PPME1: variants seen among roughly 807,000 people sequenced by gnomAD.
The protein encoded by PPME1 is protein phosphatase methylesterase 1.
PPME1 carries 17 observed loss-of-function variants against 56.9 expected under a neutral mutation model. That is an observed-to-expected ratio of 0.30 (90% CI 0.20 to 0.45). PPME1 has a LOEUF of 0.45. Among genes scored for constraint, PPME1 ranks in the 20% least tolerant of loss-of-function variants. PPME1 has a pLI of 1.00. For synonymous variants in PPME1, 122 were observed against 156.2 expected, an observed-to-expected ratio of 0.78 and a Z score of 1.63; for missense variants, 357 against 483.2, an observed-to-expected ratio of 0.74 and a Z score of 2.45.
At chr11:74,252,187 T>C (rs4522190) in intron 13 of PPME1, among the ~76,000 whole-genome samples, 111,410 of 143,854 alleles carry the variant, frequency 0.77, 43,536 homozygotes, top group African/African-American at 0.87. Context: ...AGTGCCTCAG[T>C]CTCCCGAGTA....
chr11:74,211,326 C>G (rs1858467597), intron 3 of PPME1, among the ~76,000 whole-genome samples: 1 of 151,422 alleles, frequency 6.6e-6, no homozygotes, highest in Admixed American at 6.6e-5. Context: ...TAGGAATAAC[C>G]AAGATAATTT....
At chr11:74,173,120 G>C (rs1017351868) in intron 1 of PPME1, among the ~76,000 whole-genome samples, 1 of 152,114 alleles carries the variant, frequency 6.6e-6, no homozygotes, top group Non-Finnish European at 1.5e-5. Context: ...GAGGTAGAAG[G>C]CTACATAGAA....
intron 1 of PPME1, among the ~76,000 whole-genome samples, chr11:74,178,373 G>A (rs1857450463): frequency 6.6e-6 from 1 of 152,148 alleles, no homozygotes; most frequent in Non-Finnish European, 1.5e-5. Context: ...CCAATCACTG[G>A]CAGTAGGGAA....
intron 1 of PPME1, among the ~76,000 whole-genome samples, chr11:74,201,902 GAATTCTAAGTTCTGCTTTTA>G (rs375257294): frequency 0.012 from 1,758 of 152,228 alleles, 31 homozygotes; most frequent in African/African-American, 0.04. Flanking sequence ...TGAGTAAGTA[GAATTCTAAGTTCTGCTTTTA>G]GTTTTCCCAT....
chr11:74,189,967 AG>A (rs1225337926), intron 1 of PPME1, among the ~76,000 whole-genome samples: 2 of 152,242 alleles, frequency 1.3e-5, no homozygotes, highest in East Asian at 3.8e-4. Context: ...CTTCAGCCAC[AG>A]GTTAAACATT....
intron 1 of PPME1, among the ~76,000 whole-genome samples, chr11:74,193,177 T>C (rs763767481): frequency 4.9e-4 from 74 of 152,236 alleles, no homozygotes; most frequent in Non-Finnish European, 8.7e-4. Flanking sequence ...TAAGTACTTA[T>C]GTGTGAATAA....
At chr11:74,228,297 A>G (rs544265996) in intron 5 of PPME1, among the ~76,000 whole-genome samples, 2 of 152,254 alleles carry the variant, frequency 1.3e-5, no homozygotes, top group South Asian at 4.1e-4. Flanking sequence ...TGTATGTGTA[A>G]TAATTTCCTC....
chr11:74,181,470 G>A (rs1005925957), intron 1 of PPME1, among the ~76,000 whole-genome samples: 4 of 152,122 alleles, frequency 2.6e-5, no homozygotes, highest in African/African-American at 9.7e-5. Context: ...CTCATCAATT[G>A]TTTGCATTGG....
chr11:74,249,380 G>T (rs1178865380), intron 11 of PPME1: 1 of 152,212 alleles, frequency 6.6e-6, no homozygotes, highest in Non-Finnish European at 1.5e-5. Flanking sequence ...CAATGGGAGA[G>T]AAGAGTTTGG....
intron 9 of PPME1, among the ~76,000 whole-genome samples, chr11:74,242,361 A>G (rs534536695): frequency 3.4e-4 from 52 of 152,274 alleles, no homozygotes; most frequent in African/African-American, 1.2e-3. Flanking sequence ...CAAGTACCAC[A>G]CTGTCTTTGT....
chr11:74,206,407 C>T (rs999181582), intron 3 of PPME1, among the ~76,000 whole-genome samples: 1 of 152,084 alleles, frequency 6.6e-6, no homozygotes, highest in Non-Finnish European at 1.5e-5. Context: ...ATATTCACTT[C>T]TGGATCTGAC....
chr11:74,220,569 C>CTTAA (rs1272333961), intron 3 of PPME1, among the ~76,000 whole-genome samples: 1 of 152,172 alleles, frequency 6.6e-6, no homozygotes, highest in Non-Finnish European at 1.5e-5. Flanking sequence ...GGGCAAGTTA[C>CTTAA]TTAATCTCTC....
At chr11:74,185,728 T>A (rs1435033835) in intron 1 of PPME1, among the ~76,000 whole-genome samples, 2 of 151,592 alleles carry the variant, frequency 1.3e-5, no homozygotes, top group African/African-American at 4.9e-5. Context: ...GGGTGAAAGG[T>A]GGAAATAAAA....
intron 1 of PPME1, among the ~76,000 whole-genome samples, chr11:74,200,357 TTG>T (rs71919163): frequency 0.22 from 32,595 of 145,584 alleles, 3,660 homozygotes; most frequent in Non-Finnish European, 0.26. Context: ...GTCATGTGTT[TTG>T]TGTGTGTGTG....
intron 12 of PPME1, chr11:74,251,339 C>G: frequency 7.4e-7 from 1 of 1,357,584 alleles, no homozygotes; most frequent in East Asian, 2.7e-5. Context: ...GCTCCCTAAA[C>G]CACAGGCACA....
chr11:74,241,747 T>C (rs974431449), intron 9 of PPME1, among the ~76,000 whole-genome samples: 4 of 152,232 alleles, frequency 2.6e-5, no homozygotes, highest in Admixed American at 6.5e-5. Context: ...ACTGCTGATA[T>C]TGAGTTTCTT....
At chr11:74,208,671 G>A (rs1591038262) in intron 3 of PPME1, among the ~76,000 whole-genome samples, 1 of 152,206 alleles carries the variant, frequency 6.6e-6, no homozygotes, top group Admixed American at 6.5e-5. Context: ...TCTTGGTAAA[G>A]TACTTGACTC....
chr11:74,252,906 G>C (rs1178528018), intron 13 of PPME1, among the ~76,000 whole-genome samples: 1 of 152,162 alleles, frequency 6.6e-6, no homozygotes, highest in Non-Finnish European at 1.5e-5. Context: ...ACCTCAGCCA[G>C]CTCCTAGTCT....
At chr11:74,195,245 G>C (rs1857949997) in intron 1 of PPME1, among the ~76,000 whole-genome samples, 2 of 152,138 alleles carry the variant, frequency 1.3e-5, no homozygotes, top group South Asian at 4.1e-4. Context: ...GAGCATCTCT[G>C]TTTCCCACAC....
Sources: allele counts gnomAD v4.1 joint callset (sites outside exome capture counted in the v4.1 genomes callset), GRCh38; gene constraint gnomAD v4.1.1; transcripts MANE v1.5; gene names NCBI Gene and HGNC (gene_info 2026-07-23, HGNC 2026-07-21).